SASH1: variants seen among roughly 807,000 people sequenced by gnomAD.
SASH1 encodes SAM and SH3 domain-containing protein 1.
Under a neutral mutation model 125.2 loss-of-function variants are expected in SASH1, and 44 were observed. The ratio of observed to expected loss-of-function variants is 0.35; its 90% CI spans 0.28 to 0.45. SASH1 has a LOEUF of 0.45. Among genes scored for constraint, SASH1 ranks in the 20% least tolerant of loss-of-function variants. The pLI, the probability that SASH1 is intolerant of heterozygous loss-of-function variation, is 1.00. For missense variants in SASH1, 1,426 were observed against 1,614.5 expected, an observed-to-expected ratio of 0.88 and a Z score of 2.00; for synonymous variants, 639 against 649.1, an observed-to-expected ratio of 0.98 and a Z score of 0.24.
the SASH1 span, among the ~76,000 whole-genome samples, chr6:148,218,681 G>A: frequency 6.6e-6 from 1 of 152,144 alleles, no homozygotes; most frequent in Non-Finnish European, 1.5e-5. Flanking sequence ...ACAGAAAACT[G>A]ACTCCTGCTA....
chr6:148,230,388 G>A, the SASH1 span, among the ~76,000 whole-genome samples: 2 of 151,408 alleles, frequency 1.3e-5, no homozygotes, highest in African/African-American at 4.9e-5. Flanking sequence ...ATATAGCCCA[G>A]GCTAGTCTCC....
At chr6:148,313,017 C>T (rs1412302704) in intron 1 of SASH1, among the ~76,000 whole-genome samples, 1 of 152,064 alleles carries the variant, frequency 6.6e-6, no homozygotes, top group Non-Finnish European at 1.5e-5. Flanking sequence ...CTAAATGACA[C>T]CAGCAAGACA....
At chr6:148,276,758 A>T (rs1425217360) in intron 1 of SASH1, among the ~76,000 whole-genome samples, 5 of 152,074 alleles carry the variant, frequency 3.3e-5, no homozygotes, top group Admixed American at 2.0e-4. Context: ...TTTACCCAAG[A>T]AGTGCCTTGT....
At chr6:148,309,169 G>GA (rs1010367129) in intron 1 of SASH1, among the ~76,000 whole-genome samples, 5 of 151,916 alleles carry the variant, frequency 3.3e-5, no homozygotes, top group Non-Finnish European at 5.9e-5. Flanking sequence ...TGCCTGGGGG[G>GA]AAAAAAGAGT....
chr6:148,349,850 C>CTT (rs71841350), intron 1 of SASH1, among the ~76,000 whole-genome samples: 1,675 of 145,168 alleles, frequency 0.012, 38 homozygotes, highest in African/African-American at 0.039. Context: ...TTCTTTTTTT[C>CTT]TTTTTTTTTT....
At chr6:148,508,102 G>T (rs1298655837) in intron 8 of SASH1, among the ~76,000 whole-genome samples, 1 of 152,126 alleles carries the variant, frequency 6.6e-6, no homozygotes, top group African/African-American at 2.4e-5. Context: ...GCTCTGAAAT[G>T]GGCATTAAAA....
At chr6:148,531,386 G>C (rs1781506797) in intron 12 of SASH1, 140 bp from the exon 13 acceptor site, 2 of 646,748 alleles carry the variant, frequency 3.1e-6, no homozygotes, top group Admixed American at 7.8e-5. Context: ...AAGTTTAAGA[G>C]GAGGAGAATA....
chr6:148,475,549 A>G (rs1180275244), intron 7 of SASH1, among the ~76,000 whole-genome samples: 1 of 152,108 alleles, frequency 6.6e-6, no homozygotes, highest in Admixed American at 6.5e-5. Flanking sequence ...TCACCTCCCA[A>G]AGTTTCACCT....
intron 1 of SASH1, among the ~76,000 whole-genome samples, chr6:148,368,446 T>C (rs763869336): frequency 2.4e-4 from 36 of 152,176 alleles, no homozygotes; most frequent in Non-Finnish European, 4.3e-4. Context: ...AATTTTTGTG[T>C]TTTTAGTAGA....
At chr6:148,414,966 A>C (rs1223469312) in intron 2 of SASH1, among the ~76,000 whole-genome samples, 1 of 152,190 alleles carries the variant, frequency 6.6e-6, no homozygotes, top group Non-Finnish European at 1.5e-5. Context: ...CATTCTACTG[A>C]GCCCAGGAAG....
intron 9 of SASH1, among the ~76,000 whole-genome samples, chr6:148,516,693 C>A (rs968827951): frequency 6.6e-6 from 1 of 152,034 alleles, no homozygotes. Context: ...CAGAAGTAAG[C>A]ACTTACACCA....
chr6:148,222,794 C>G, the SASH1 span, among the ~76,000 whole-genome samples: 2 of 151,934 alleles, frequency 1.3e-5, no homozygotes, highest in Non-Finnish European at 2.9e-5. Flanking sequence ...CTCTCTCTCT[C>G]TCTCTCTCTC....
chr6:148,491,141 G>T (rs1256656944), intron 8 of SASH1, among the ~76,000 whole-genome samples: 1 of 152,178 alleles, frequency 6.6e-6, no homozygotes, highest in African/African-American at 2.4e-5. Context: ...ATCAAAATTG[G>T]TTGTACATAT....
intron 1 of SASH1, among the ~76,000 whole-genome samples, chr6:148,353,972 C>T: frequency 6.6e-6 from 1 of 152,106 alleles, no homozygotes; most frequent in East Asian, 1.9e-4. Flanking sequence ...GAGTTCAAGA[C>T]TGGCCTGAGC....
At chr6:148,418,919 A>T (rs1478541344) in intron 2 of SASH1, among the ~76,000 whole-genome samples, 3 of 152,164 alleles carry the variant, frequency 2.0e-5, no homozygotes, top group Non-Finnish European at 4.4e-5. Flanking sequence ...TGCAGTTTCC[A>T]TGCAGCCAGT....
intron 1 of SASH1, among the ~76,000 whole-genome samples, chr6:148,298,011 TATA>T (rs781591141): frequency 2.7e-5 from 4 of 150,082 alleles, no homozygotes; most frequent in East Asian, 2.0e-4. Context: ...TTATTATATA[TATA>T]TTTTTTTTTT....
chr6:148,467,739 C>T (rs189748060), intron 4 of SASH1, among the ~76,000 whole-genome samples: 1 of 152,260 alleles, frequency 6.6e-6, no homozygotes, highest in Admixed American at 6.5e-5. Flanking sequence ...GAGTTCCAGA[C>T]CATCCTGGCC....
chr6:148,253,469 T>C, the SASH1 span, among the ~76,000 whole-genome samples: 1 of 152,150 alleles, frequency 6.6e-6, no homozygotes, highest in Admixed American at 6.5e-5. Context: ...AGAAGATACA[T>C]GAGTAGATCT....
At chr6:148,478,667 A>G (rs1778476871) in intron 7 of SASH1, 1 of 152,272 alleles carries the variant, frequency 6.6e-6, no homozygotes, top group East Asian at 1.9e-4. Context: ...ACATTTAAAA[A>G]TAACTAAAAG....
Sources: allele counts gnomAD v4.1 joint callset (sites outside exome capture counted in the v4.1 genomes callset), GRCh38; gene constraint gnomAD v4.1.1; transcripts MANE v1.5; gene names NCBI Gene and HGNC (gene_info 2026-07-23, HGNC 2026-07-21).